The following KLHL13 variants were observed in gnomAD, a reference collection of about 807,000 sequenced individuals.
KLHL13 encodes kelch like family member 13, also known as kelch-like protein 13.
In KLHL13, 10 loss-of-function variants were observed where a neutral mutation model predicts 37.1. The observed-to-expected ratio is 0.27, with a 90% confidence interval of 0.17 to 0.46. The LOEUF is 0.46. KLHL13 is among the 20% of genes least tolerant of loss of function. The pLI is 1.00. For synonymous variants in KLHL13, 163 were observed against 181.2 expected, an observed-to-expected ratio of 0.90 and a Z score of 0.81; for missense variants, 360 against 509.3, an observed-to-expected ratio of 0.71 and a Z score of 2.82.
At chrX:118,105,156 A>C (rs189826714) in intron 1 of KLHL13, among the ~76,000 whole-genome samples, 2 of 112,691 alleles carry the variant, frequency 1.8e-5, no homozygotes, top group Non-Finnish European at 3.8e-5. Context: ...TTGCTTTTCA[A>C]TAAGACCTCC....
intron 1 of KLHL13, among the ~76,000 whole-genome samples, chrX:117,981,607 G>T (rs986005831): frequency 9.0e-6 from 1 of 111,351 alleles, no homozygotes. Context: ...TCCTTATTCA[G>T]CTTGATTTAA....
chrX:117,899,075 A>G (rs767990513), exon 7 of KLHL13: 2 of 1,211,333 alleles, frequency 1.7e-6, no homozygotes, highest in Non-Finnish European at 2.2e-6. Flanking sequence ...TCTACCATAC[A>G]ACGATTATTC....
chrX:118,058,898 T>C (rs1033107837), intron 1 of KLHL13, among the ~76,000 whole-genome samples: 1 of 111,424 alleles, frequency 9.0e-6, no homozygotes, highest in African/African-American at 3.3e-5. Context: ...AGAGACAGAA[T>C]AGATATCACA....
chrX:118,067,914 A>T (rs964696490), intron 1 of KLHL13, among the ~76,000 whole-genome samples: 1 of 112,113 alleles, frequency 8.9e-6, no homozygotes, highest in African/African-American at 3.2e-5. Flanking sequence ...ATAAACCAGT[A>T]ACACAGTCAT....
intron 2 of KLHL13, among the ~76,000 whole-genome samples, chrX:117,931,101 C>G (rs938940258): frequency 3.0e-4 from 34 of 111,797 alleles, no homozygotes; most frequent in South Asian, 7.5e-4. Flanking sequence ...TAGGCTCTTA[C>G]AATAACCCAT....
At chrX:117,903,179 C>T (rs1000919137) in intron 5 of KLHL13, among the ~76,000 whole-genome samples, 3,288 of 92,294 alleles carry the variant, frequency 0.036, 134 homozygotes, top group African/African-American at 0.13. Flanking sequence ...GAGAGGAGAG[C>T]GAGAGAGAGA....
chrX:118,025,463 A>G (rs1314960524), intron 1 of KLHL13, among the ~76,000 whole-genome samples: 2 of 111,493 alleles, frequency 1.8e-5, no homozygotes, highest in Non-Finnish European at 3.8e-5. Context: ...CTACCCACCC[A>G]TGAGTCACTT....
chrX:118,012,173 T>G (rs2147992032), intron 1 of KLHL13, among the ~76,000 whole-genome samples: 1 of 111,530 alleles, frequency 9.0e-6, no homozygotes, highest in South Asian at 3.9e-4. Context: ...TGTGCTTATA[T>G]CAAGTCAGAA....
chrX:117,903,792 T>C (rs925455902), intron 5 of KLHL13, among the ~76,000 whole-genome samples: 1 of 110,823 alleles, frequency 9.0e-6, no homozygotes, highest in Non-Finnish European at 1.9e-5. Flanking sequence ...TTCATCTGCT[T>C]GAAGCCAAAG....
At chrX:118,090,154 CTTAAATG>C (rs1489840663) in intron 1 of KLHL13, among the ~76,000 whole-genome samples, 10 of 108,548 alleles carry the variant, frequency 9.2e-5, no homozygotes, top group African/African-American at 3.3e-4. Flanking sequence ...GGATTAAAGA[CTTAAATG>C]TTAGACCTAA....
At chrX:118,011,072 CA>C (rs1392338400) in intron 1 of KLHL13, among the ~76,000 whole-genome samples, 9 of 107,591 alleles carry the variant, frequency 8.4e-5, no homozygotes, top group African/African-American at 3.1e-4. Context: ...GACACTGTCT[CA>C]AAATAAATAA....
chrX:117,941,349 A>G (rs1933021092), intron 2 of KLHL13, among the ~76,000 whole-genome samples: 1 of 111,948 alleles, frequency 8.9e-6, no homozygotes, highest in African/African-American at 3.2e-5. Flanking sequence ...TGCTGGCCTC[A>G]TAAAAAGAGT....
chrX:118,008,903 T>C (rs1254287803), intron 1 of KLHL13, among the ~76,000 whole-genome samples: 6 of 111,648 alleles, frequency 5.4e-5, no homozygotes, highest in Non-Finnish European at 9.4e-5. Context: ...GAGAATAACA[T>C]AAATTAATAT....
At chrX:118,037,598 G>T (rs1450869015) in intron 1 of KLHL13, among the ~76,000 whole-genome samples, 2 of 108,218 alleles carry the variant, frequency 1.8e-5, no homozygotes, top group Non-Finnish European at 3.8e-5. Flanking sequence ...CTGTTGTGGG[G>T]TGGGGGAAGG....
intron 2 of KLHL13, among the ~76,000 whole-genome samples, chrX:117,925,379 TA>T (rs1931954184): frequency 9.0e-6 from 1 of 111,645 alleles, no homozygotes; most frequent in Admixed American, 9.5e-5. Context: ...TAGTTAAAAT[TA>T]TAATGGAAAA....
intron 1 of KLHL13, among the ~76,000 whole-genome samples, chrX:118,102,520 G>C (rs529375673): frequency 3.7e-3 from 412 of 112,173 alleles, no homozygotes; most frequent in South Asian, 0.012. Context: ...CAAAGAGAGT[G>C]CATATAATGC....
At chrX:117,959,347 C>G (rs1222895257) in intron 1 of KLHL13, among the ~76,000 whole-genome samples, 2 of 111,925 alleles carry the variant, frequency 1.8e-5, no homozygotes, top group East Asian at 2.8e-4. Context: ...AATTTAGTGT[C>G]ATCCATATAC....
chrX:118,030,467 T>C (rs2054324784), intron 1 of KLHL13, among the ~76,000 whole-genome samples: 1 of 111,970 alleles, frequency 8.9e-6, no homozygotes, highest in South Asian at 3.7e-4. Context: ...GTTTCACTAA[T>C]TGCATCTAGG....
chrX:118,098,311 G>A (rs2148168056), intron 1 of KLHL13, among the ~76,000 whole-genome samples: 1 of 111,744 alleles, frequency 8.9e-6, no homozygotes, highest in Non-Finnish European at 1.9e-5. Flanking sequence ...GCAGCCAAAG[G>A]ACACATGAAA....
Sources: allele counts gnomAD v4.1 joint callset (sites outside exome capture counted in the v4.1 genomes callset), GRCh38; gene constraint gnomAD v4.1.1; transcripts MANE v1.5; gene names NCBI Gene and HGNC (gene_info 2026-07-23, HGNC 2026-07-21).